The following ITPR3 variants were observed in gnomAD, a reference collection of about 807,000 sequenced individuals.
ITPR3 encodes inositol 1,4,5-trisphosphate-gated calcium channel ITPR3.
In ITPR3, 173 loss-of-function variants were observed where a neutral mutation model predicts 293.2. The ratio of observed to expected loss-of-function variants is 0.59; its 90% confidence interval spans 0.52 to 0.67. ITPR3 has a LOEUF of 0.67. Among genes scored for constraint, ITPR3 ranks in the 30% least tolerant of loss-of-function variants. ITPR3 has a pLI of 0.00. For missense variants in ITPR3, 2,796 were observed against 3,592.1 expected (o/e 0.78, Z 5.66); for synonymous variants, 1,295 against 1,444.4 (o/e 0.90, Z 2.35).
At chr6:33,693,729 C>A (rs766285564) in intron 56 of ITPR3, 24 bp downstream of exon 56, 26 of 1,611,024 alleles carry the variant, frequency 1.6e-5, no homozygotes, top group Middle Eastern at 1.7e-4. Flanking sequence ...CTGTGCCAGG[C>A]CTGTGGGCCC....
chr6:33,649,095 G>A (rs1231910548), intron 2 of ITPR3, among the ~76,000 whole-genome samples: 1 of 152,098 alleles, frequency 6.6e-6, no homozygotes, highest in South Asian at 2.1e-4. Context: ...AGTAGAGACC[G>A]GGTTTCACCA....
rs748571576 is a variant in ITPR3 at position 33,680,036 on chromosome 6, C to T, written c.4127C>T (p.Ala1376Val). The change falls in exon 31 of 58, where the codon GCC becomes GTC. Residue 1376 changes from alanine to valine, a missense_variant. Physicochemically the swap from Ala to Val is moderately conservative, Grantham distance 64. Coordinates refer to ENST00000605930, the MANE Select transcript of ITPR3 (RefSeq NM_002224.4). ...CTGGTGGACCTGCTGGCCGCCTGTG[C>T]CGAGGGCAAAAACGTCTACACTGAG... ...ISLVDLLAACAEGKNVYTEIK... is the reference protein window; with the variant it reads ...ISLVDLLAACVEGKNVYTEIK... 19 of 1,613,758 alleles carry T rather than the reference C, an allele frequency of 1.2e-5. No individual in the cohort carries two copies. The highest frequency in any genetic ancestry group is 6.7e-5 in the Admixed American group (4 of 60,006).
intron 56 of ITPR3, 132 bp downstream of exon 56, chr6:33,693,837 G>T: frequency 9.2e-7 from 1 of 1,088,014 alleles, no homozygotes; most frequent in Non-Finnish European, 1.3e-6. Flanking sequence ...CTATCTGACT[G>T]TTGGCCCTAG....
Position 33,658,072 on chromosome 6 carries a change from G to C in ITPR3, c.369+54G>C. The C allele has an allele frequency of 1.3e-6, 2 of 1,512,812 alleles. No homozygotes were observed. The highest frequency in any genetic ancestry group is 1.8e-6 in the Non-Finnish European group (2 of 1,095,600). The allele number at this position is 1,512,812 out of a possible 1,614,324, so 93.7% of individuals were successfully genotyped here. A position where few individuals can be genotyped will look rare whatever the true frequency, so the allele number is the denominator to read the frequency against. ...GCCCCTCTCCCTGCCTAAGAGGCTG[G>C]GCTGGTGCTGGGTGAGGGCTGCCAG... On this transcript the variant is annotated intron_variant, in intron 4 of 57. Transcript: ENST00000605930. This position sits in a 1 kb window ranked among gnomAD's most constrained non-coding sequence, Gnocchi z 6.1.
Position 33,679,129 on chromosome 6 carries a change from G to A in ITPR3, c.3972+290G>A, listed in dbSNP as rs142481623. Among the ~76,000 whole-genome samples, 82 of 152,304 alleles carry A rather than the reference G, an allele frequency of 5.4e-4. No individual in the cohort carries two copies. The highest frequency in any genetic ancestry group is 1.8e-3 in the African/African-American group (73 of 41,552). On this transcript the variant is annotated intron_variant, in intron 30 of 57. Coordinates refer to ENST00000605930, the MANE Select transcript of ITPR3 (RefSeq NM_002224.4). The surrounding 1 kb of genome is among the most constrained non-coding windows in gnomAD (Gnocchi z 4.2). ...CATGCATTCCTTGTCACTTGTCGTCGTTTATTTAAAATCAGGAAGCACCTG... is the reference window on the plus strand; with the variant it reads ...CATGCATTCCTTGTCACTTGTCGTCATTTATTTAAAATCAGGAAGCACCTG...
Position 33,664,029 on chromosome 6 carries a change from T to A in ITPR3, c.1148+149T>A. The A allele has an allele frequency of 2.0e-6, 2 of 990,282 alleles. No individual in the cohort carries two copies. The highest frequency in any genetic ancestry group is 2.9e-6 in the Non-Finnish European group (2 of 688,860). 61.3% of individuals were successfully genotyped at this position (990,282 alleles called of 1,614,324 possible). On this transcript the variant is annotated intron_variant, in intron 11 of 57. Coordinates refer to ENST00000605930, the MANE Select transcript of ITPR3 (RefSeq NM_002224.4). This position sits in a 1 kb window ranked among gnomAD's most constrained non-coding sequence, Gnocchi z 4.4. ...TGTAGGTCCCATCCCTCTGGGGATC[T>A]AGCTCTGAGTCTGTCGGCGGCTGAC... is the stretch of plus-strand genomic sequence containing the variant.
At position 33,696,373 on chromosome 6, in the gene ITPR3, C is replaced by T. The variant is rs1765544936; in HGVS notation, c.*593C>T. On this transcript the variant is annotated 3_prime_UTR_variant, in exon 58 of 58. Coordinates refer to ENST00000605930, the MANE Select transcript of ITPR3 (RefSeq NM_002224.4). The stretch of plus-strand genomic sequence containing the variant: ...GCCTGGTGACTCCATGATGGACGAT[C>T]TTGCTCCCAGGACCTGCCTCTTCCC... The T allele has an allele frequency of 6.5e-6, 1 of 153,094 alleles. No individual in the cohort carries two copies. The highest frequency in any genetic ancestry group is 1.5e-5 in the Non-Finnish European group (1 of 68,424). 9.5% of individuals were successfully genotyped at this position (153,094 alleles called of 1,614,324 possible). A position where few individuals can be genotyped will look rare whatever the true frequency, so the allele number is the denominator to read the frequency against.
In ITPR3 at chr6:33,686,145, C is replaced by T. The variant is rs202114409; in HGVS notation, c.5760C>T (p.Gly1920=). Residue 1920 remains glycine (G), a synonymous_variant, in exon 42 of 58, where the codon GGC becomes GGT. Coordinates refer to ENST00000605930, the MANE Select transcript of ITPR3 (RefSeq NM_002224.4). ...ACATCATGTGCGGCAGCACCACGGG[C>T]GGCCTGGGGCTGCTGGGGCTCTACA... is the stretch of plus-strand genomic sequence containing the variant. The part of the protein sequence containing the change: ...FLDIMCGSTT[G]GLGLLGLYIN... 2.1e-5 allele frequency: 34 copies of T among 1,614,176 alleles called. No homozygotes were observed. The Middle Eastern group carries it at 4.9e-4, about 23-fold the overall frequency.
rs1053628567 is a variant in ITPR3 at position 33,638,295 on chromosome 6, C to T, written c.90-2189C>T. Among the ~76,000 whole-genome samples the T allele has an allele frequency of 2.0e-5, 3 of 152,208 alleles. No individual in the cohort carries two copies. The highest frequency in any genetic ancestry group is 4.8e-5 in the African/African-American group (2 of 41,450). On this transcript the variant is annotated intron_variant, in intron 1 of 57. Transcript: ENST00000605930. This position sits in a 1 kb window ranked among gnomAD's most constrained non-coding sequence, Gnocchi z 4.3. ...CAGGGATTACAGGCATGAGCCACCG[C>T]GTCCATCCACATAGGCATGATTGAT...
In ITPR3 at chr6:33,688,749, T is replaced by C. The variant is rs1357513356; in HGVS notation, c.6662T>C (p.Phe2221Ser). The part of the protein sequence containing the change: ...LAVFINIIIA[F>S]FYPYMEGAST... ...GTGTTTATCAACATCATCATTGCCT[T>C]CTTCTACCCTTACATGGAGGGCGCG... The change falls in exon 49 of 58, where the codon TTC becomes TCC. Residue 2221 changes from phenylalanine to serine, a missense_variant. Phe to Ser is a radical substitution (Grantham distance 155). Transcript: ENST00000605930. The C allele has an allele frequency of 1.9e-6, 3 of 1,614,196 alleles. No homozygotes were observed. Among genetic ancestry groups the C allele is most frequent in the Non-Finnish European group, 2.5e-6 (3 of 1,180,006 alleles).
chr6:33,664,701 C>T lies in ITPR3; in HGVS notation c.1149-169C>T, dbSNP rs896368741. ...CAGGGCTAGCTCTGGCTGTTCTTAT[C>T]TGGCTTCAGCCTCCTCATCTGGAGG... is the stretch of plus-strand genomic sequence containing the variant. On this transcript the variant is annotated intron_variant, in intron 11 of 57. Transcript: ENST00000605930. The surrounding 1 kb of genome is among the most constrained non-coding windows in gnomAD (Gnocchi z 4.4). Among the ~76,000 whole-genome samples, 1 of 152,142 alleles carries T rather than the reference C, an allele frequency of 6.6e-6. No homozygotes were observed. Among genetic ancestry groups the T allele is most frequent in the African/African-American group, 2.4e-5 (1 of 41,430 alleles).
intron 57 of ITPR3, 41 bp downstream of exon 57, chr6:33,695,126 T>G: frequency 1.2e-6 from 2 of 1,603,526 alleles, no homozygotes; most frequent in Middle Eastern, 2.1e-4. Context: ...CTGGGTTCTA[T>G]CCCTGGGCAG....
Position 33,655,656 on chromosome 6 carries a change from G to A in ITPR3, c.161-110G>A, listed in dbSNP as rs1018521596. On this transcript the variant is annotated intron_variant, in intron 2 of 57. Transcript: ENST00000605930. This position sits in a 1 kb window ranked among gnomAD's most constrained non-coding sequence, Gnocchi z 4.9. Reference sequence around the variant, plus strand: ...TTCCTCTCTACCTGCAGCGGGGAACGGGGGTGGGGAAGGGTTGGGAGAGAA... The same window carrying A: ...TTCCTCTCTACCTGCAGCGGGGAACAGGGGTGGGGAAGGGTTGGGAGAGAA... The A allele has an allele frequency of 1.5e-5, 21 of 1,412,006 alleles. No homozygotes were observed. The highest frequency in any genetic ancestry group is 4.2e-5 in the African/African-American group (3 of 70,778). The allele number at this position is 1,412,006 out of a possible 1,614,324, so 87.5% of individuals were successfully genotyped here.
chr6:33,647,923 A>C (rs1582115282), intron 2 of ITPR3, among the ~76,000 whole-genome samples: 1 of 152,108 alleles, frequency 6.6e-6, no homozygotes, highest in Admixed American at 6.5e-5. Flanking sequence ...GGTGATTGCC[A>C]CTTGCCCCCC....
rs763745622 is a variant in ITPR3 at position 33,693,552 on chromosome 6, G to A, written c.7632G>A (p.Glu2544=). Residue 2544 remains glutamate, a synonymous_variant, in exon 56 of 58, where the codon GAG becomes GAA. Transcript: ENST00000605930. ...LKTTCFICGL[E]RDKFDNKTVS... is the part of the protein sequence containing the mutation. ...CGCCCTCTGCACCCTCAGGTCTGGAGAGGGACAAGTTTGATAACAAGACAG... is the reference window on the plus strand; with the variant it reads ...CGCCCTCTGCACCCTCAGGTCTGGAAAGGGACAAGTTTGATAACAAGACAG... 3.7e-6 allele frequency: 6 copies of A among 1,614,082 alleles called. No individual in the cohort carries two copies. The highest frequency in any genetic ancestry group is 5.1e-6 in the Non-Finnish European group (6 of 1,179,984).
intron 27 of ITPR3, among the ~76,000 whole-genome samples, 184 bp downstream of exon 27, chr6:33,677,273 G>A (rs891713424): frequency 2.6e-5 from 4 of 152,212 alleles, no homozygotes; most frequent in Admixed American, 2.0e-4. Flanking sequence ...TTTTAAAGCC[G>A]AAGGAATTCC....
In ITPR3 at chr6:33,638,383, C is replaced by G. The variant is rs1350243084; in HGVS notation, c.90-2101C>G. On this transcript the variant is annotated intron_variant, in intron 1 of 57. Transcript: ENST00000605930. The surrounding 1 kb of genome is among the most constrained non-coding windows in gnomAD (Gnocchi z 4.3). Reference sequence around the variant, plus strand: ...CGGCTCTCTCCTTCCAGGAGGAGGTCGTGACGGAGGTGGGGCTGAAAATGG... The same window carrying G: ...CGGCTCTCTCCTTCCAGGAGGAGGTGGTGACGGAGGTGGGGCTGAAAATGG... 6.6e-6 allele frequency among the ~76,000 whole-genome samples: 1 copy of G among 152,140 alleles called. No individual in the cohort carries two copies. The highest frequency in any genetic ancestry group is 1.5e-5 in the Non-Finnish European group (1 of 68,014).
chr6:33,640,467 G>C lies in ITPR3; in HGVS notation c.90-17G>C. 2 of 1,611,682 alleles carry C rather than the reference G, an allele frequency of 1.2e-6. No individual in the cohort carries two copies. Among genetic ancestry groups the C allele is most frequent in the Non-Finnish European group, 1.7e-6 (2 of 1,178,986 alleles). On this transcript the variant is annotated splice_polypyrimidine_tract_variant and intron_variant, in intron 1 of 57. Transcript: ENST00000605930. ...AGGTCTCTTCTCTCCTGCTGACCGAGCTGCTTTGTTCCCCAGGCTGGTGGA... is the reference window on the plus strand; with the variant it reads ...AGGTCTCTTCTCTCCTGCTGACCGACCTGCTTTGTTCCCCAGGCTGGTGGA...
In ITPR3 at chr6:33,670,472, C is replaced by T. The variant is rs1183175514; in HGVS notation, c.2337C>T (p.His779=). The change falls in exon 19 of 58, where the codon CAC becomes CAT. Residue 779 remains histidine (H), a synonymous_variant. Coordinates refer to ENST00000605930, the MANE Select transcript of ITPR3 (RefSeq NM_002224.4). The surrounding 1 kb of genome is among the most constrained non-coding windows in gnomAD (Gnocchi z 6.7). ...LPFDLRASFC[H]LMLHVHVDRD... is the part of the protein sequence containing the mutation. ...TTGACCTGCGCGCCTCCTTCTGCCACCTGATGCTGCACGTGCACGTGGACC... is the reference window on the plus strand; with the variant it reads ...TTGACCTGCGCGCCTCCTTCTGCCATCTGATGCTGCACGTGCACGTGGACC... 1.2e-6 allele frequency: 2 copies of T among 1,613,904 alleles called. No individual in the cohort carries two copies. The highest frequency in any genetic ancestry group is 3.3e-5 in the Admixed American group (2 of 59,994).
Sources: gnomAD v4.1 joint callset for allele counts (sites outside exome capture counted in the v4.1 genomes callset) on GRCh38, gnomAD v4.1.1 for gene constraint, Gnocchi (gnomAD v3.1) non-coding constraint, MANE v1.5 for transcripts, NCBI Gene and HGNC (gene_info 2026-07-23, HGNC 2026-07-21) for gene names.